The following SND1 variants were observed in gnomAD, a reference collection of about 807,000 sequenced individuals.
SND1 encodes staphylococcal nuclease domain-containing protein 1.
SND1 carries 38 observed loss-of-function variants against 121.7 expected under a neutral mutation model. The ratio of observed to expected loss-of-function variants is 0.31; its 90% CI spans 0.24 to 0.41. The LOEUF is 0.41. SND1 is among the 10% of genes least tolerant of loss of function. SND1 has a pLI of 1.00. For synonymous variants in SND1, 401 were observed against 447.4 expected (o/e 0.90, Z 1.31); for missense variants, 868 against 1,184.6 (o/e 0.73, Z 3.92).
At chr7:127,879,539 A>G (rs1454084392) in intron 12 of SND1, among the ~76,000 whole-genome samples, 1 of 152,144 alleles carries the variant, frequency 6.6e-6, no homozygotes, top group East Asian at 1.9e-4. Context: ...TTGCAAAGAA[A>G]GATATCAGCA....
intron 14 of SND1, among the ~76,000 whole-genome samples, chr7:127,926,720 TTTG>T (rs57562959): frequency 0.035 from 5,062 of 142,752 alleles, 163 homozygotes; most frequent in African/African-American, 0.071. Context: ...ACCCGGCTAT[TTTG>T]TTGTTGTTGT....
At chr7:127,700,792 C>T (rs560099263) in intron 4 of SND1, among the ~76,000 whole-genome samples, 14 of 152,224 alleles carry the variant, frequency 9.2e-5, no homozygotes, top group Admixed American at 2.0e-4. Flanking sequence ...TCTGCACTAC[C>T]GAGCTGTGCC....
intron 10 of SND1, among the ~76,000 whole-genome samples, chr7:127,756,063 A>G (rs1337287924): frequency 6.6e-6 from 1 of 152,240 alleles, no homozygotes; most frequent in African/African-American, 2.4e-5. Flanking sequence ...TATGGAGCTT[A>G]AAAAAGGCTA....
intron 12 of SND1, among the ~76,000 whole-genome samples, chr7:127,886,368 A>G (rs1214535796): frequency 6.6e-6 from 1 of 151,832 alleles, no homozygotes; most frequent in Non-Finnish European, 1.5e-5. Flanking sequence ...TTGCGTAAAC[A>G]TGCACAGATA....
intron 10 of SND1, among the ~76,000 whole-genome samples, chr7:127,761,881 G>A (rs1797312116): frequency 6.6e-6 from 1 of 151,980 alleles, no homozygotes; most frequent in Non-Finnish European, 1.5e-5. Context: ...GTACATTTTT[G>A]TTCAAAAAAC....
intron 16 of SND1, among the ~76,000 whole-genome samples, chr7:128,054,063 C>T (rs1213151576): frequency 6.6e-6 from 1 of 152,252 alleles, no homozygotes; most frequent in African/African-American, 2.4e-5. Context: ...GCTAAGGCCA[C>T]TGTCAGTAAG....
intron 16 of SND1, chr7:127,999,982 A>G (rs948452705): frequency 4.0e-5 from 6 of 149,410 alleles, no homozygotes; most frequent in African/African-American, 1.5e-4. Context: ...TTTCATTTTG[A>G]TATATCAGGT....
At chr7:127,982,940 G>A (rs1363048692) in intron 15 of SND1, among the ~76,000 whole-genome samples, 1 of 152,162 alleles carries the variant, frequency 6.6e-6, no homozygotes, top group Non-Finnish European at 1.5e-5. Context: ...TTAAAATTAG[G>A]CAGATGGTCT....
chr7:127,918,071 T>G (rs1178324003), intron 14 of SND1, among the ~76,000 whole-genome samples: 2 of 151,326 alleles, frequency 1.3e-5, no homozygotes, highest in African/African-American at 4.9e-5. Context: ...TTTTTTTTCT[T>G]TTTCTTTTTT....
Position 128,001,143 on chromosome 7 carries a change from A to G in SND1, c.1779+10087A>G, listed in dbSNP as rs1021107215. On this transcript the variant is annotated intron_variant, in intron 16 of 23. Coordinates refer to ENST00000354725, the MANE Select transcript of SND1 (RefSeq NM_014390.4). ...TAAATGGATTTTGAAAATGAAAGTG[A>G]CCAATGGTCTGTTATGAAATGCTGC... is the stretch of plus-strand genomic sequence containing the variant. 2.0e-5 allele frequency among the ~76,000 whole-genome samples: 3 copies of G among 152,214 alleles called. No individual in the cohort carries two copies. The East Asian group carries it at 5.8e-4, about 29-fold the overall frequency.
In SND1 at chr7:127,888,011, A is replaced by G. The variant is rs1799943498; in HGVS notation, c.1453A>G (p.Arg485Gly). The G allele has an allele frequency of 6.2e-7, 1 of 1,607,742 alleles. No individual in the cohort carries two copies. The highest frequency in any genetic ancestry group is 8.5e-7 in the Non-Finnish European group (1 of 1,175,100). ...CGATGAACTGCTTGCTGCAGAGGCCAGGTAAGACCAAACATTACTAAACAC... is the reference window on the plus strand; with the variant it reads ...CGATGAACTGCTTGCTGCAGAGGCCGGGTAAGACCAAACATTACTAAACAC... ...HYDELLAAEA[R>G]AIKNGKGLHS... Residue 485 changes from arginine (R) to glycine (G), a missense_variant and splice_region_variant, in exon 13 of 24, where the codon AGA becomes GGA. By Grantham distance (125) the Arg-to-Gly change is moderately radical (BLOSUM62 -2). This residue lies in a region of SND1 where 743 missense variants were observed against 1,071.3 expected (regional missense o/e 0.69). Coordinates refer to ENST00000354725, the MANE Select transcript of SND1 (RefSeq NM_014390.4).
At chr7:127,803,727 C>A (rs1256883081) in intron 10 of SND1, among the ~76,000 whole-genome samples, 2 of 152,082 alleles carry the variant, frequency 1.3e-5, no homozygotes, top group African/African-American at 4.8e-5. Context: ...TCTTTCATTC[C>A]CTCCTAATGA....
At chr7:127,713,762 T>C (rs1420332021) in intron 9 of SND1, among the ~76,000 whole-genome samples, 2 of 152,218 alleles carry the variant, frequency 1.3e-5, no homozygotes, top group African/African-American at 2.4e-5. Flanking sequence ...CTCTGATACA[T>C]GTGGCCTATT....
intron 11 of SND1, among the ~76,000 whole-genome samples, chr7:127,835,546 T>C (rs532632396): frequency 1.3e-5 from 2 of 152,094 alleles, no homozygotes; most frequent in African/African-American, 4.8e-5. Context: ...AGGGACAGTT[T>C]CCAGTAGTGC....
intron 10 of SND1, among the ~76,000 whole-genome samples, chr7:127,770,500 C>G (rs1354917342): frequency 6.6e-6 from 1 of 152,116 alleles, no homozygotes; most frequent in East Asian, 1.9e-4. Flanking sequence ...CTGACAAAGT[C>G]AAAGCCCTAT....
At chr7:127,684,771 T>G (rs376134213) in intron 1 of SND1, among the ~76,000 whole-genome samples, 21 of 152,244 alleles carry the variant, frequency 1.4e-4, no homozygotes, top group African/African-American at 5.1e-4. Context: ...GAAGACAGTC[T>G]TTTTGTGTGT....
At chr7:127,949,069 C>G (rs1801400061) in intron 15 of SND1, 1 of 152,220 alleles carries the variant, frequency 6.6e-6, no homozygotes, top group Non-Finnish European at 1.5e-5. Flanking sequence ...GTGTGGGATT[C>G]TTAACAGTTG....
At chr7:128,007,818 G>T (rs1474418598) in intron 16 of SND1, among the ~76,000 whole-genome samples, 1 of 152,160 alleles carries the variant, frequency 6.6e-6, no homozygotes, top group Non-Finnish European at 1.5e-5. Flanking sequence ...CAGTTTCCAA[G>T]GACTTGAGCA....
At chr7:128,032,119 ATACT>A (rs1792635010) in intron 16 of SND1, 1 of 151,812 alleles carries the variant, frequency 6.6e-6, no homozygotes, top group Non-Finnish European at 1.5e-5. Context: ...CTGCTGACGC[ATACT>A]GTTCTGGGAG....
Sources: gnomAD v4.1 joint callset for allele counts (sites outside exome capture counted in the v4.1 genomes callset) on GRCh38, gnomAD v4.1.1 for gene constraint, gnomAD v4.1.1 regional missense constraint, MANE v1.5 for transcripts, NCBI Gene and HGNC (gene_info 2026-07-23, HGNC 2026-07-21) for gene names.